CDH12: variants seen among roughly 807,000 people sequenced by gnomAD.
The protein encoded by CDH12 is cadherin 12, also known as cadherin-12.
In CDH12, 41 loss-of-function variants were observed where a neutral mutation model predicts 74.1. The observed-to-expected ratio is 0.55, with a 90% CI of 0.43 to 0.72. The LOEUF (loss-of-function observed/expected upper bound fraction) is 0.72, where lower values mean the gene tolerates loss of function less well. CDH12 is among the 30% of genes least tolerant of loss of function. CDH12 has a pLI of 0.00. For missense variants in CDH12, 945 were observed against 977.2 expected, an observed-to-expected ratio of 0.97 and a Z score of 0.44; for synonymous variants, 399 against 355.0, an observed-to-expected ratio of 1.12 and a Z score of -1.39.
intron 3 of CDH12, among the ~76,000 whole-genome samples, chr5:22,229,781 C>T (rs770487794): frequency 9.9e-5 from 15 of 151,924 alleles, no homozygotes; most frequent in Admixed American, 2.0e-4. Flanking sequence ...TCCTGCACTC[C>T]GGATACTCTG....
Position 21,880,679 on chromosome 5 carries a change from C to A in CDH12, c.527-25889G>T, listed in dbSNP as rs563074658. ...TCTTTCTTTCTTTCTTTCTTTCTTTCTTTCTTTCTTTCTCTTTTCTCCTTC... is the reference window on the plus strand; with the variant it reads ...TCTTTCTTTCTTTCTTTCTTTCTTTATTTCTTTCTTTCTCTTTTCTCCTTC... On this transcript the variant is annotated intron_variant, in intron 6 of 14. Coordinates refer to ENST00000382254, the MANE Select transcript of CDH12 (RefSeq NM_004061.5). 1.3e-3 allele frequency among the ~76,000 whole-genome samples: 144 copies of A among 110,430 alleles called. 1 individual carries two copies. Among genetic ancestry groups the A allele is most frequent in the African/African-American group, 4.6e-3 (140 of 30,728 alleles). The allele number at this position is 110,430 out of a possible 152,430, so 72.4% of individuals were successfully genotyped here. A position where few individuals can be genotyped will look rare whatever the true frequency, so the allele number is the denominator to read the frequency against.
At chr5:21,833,312 ATGTTATAT>A (rs1275474930) in intron 8 of CDH12, among the ~76,000 whole-genome samples, 380 of 32,512 alleles carry the variant, frequency 0.012, 151 homozygotes, top group African/African-American at 0.092. Context: ...TATATGTTAT[ATGTTATAT>A]AATATATATT....
At chr5:22,747,391 A>G (rs1745344319) in intron 1 of CDH12, among the ~76,000 whole-genome samples, 1 of 151,612 alleles carries the variant, frequency 6.6e-6, no homozygotes, top group Non-Finnish European at 1.5e-5. Context: ...TAGGAGGCCA[A>G]CATGGGCAGA....
chr5:22,454,348 A>C (rs1048691852), intron 2 of CDH12, among the ~76,000 whole-genome samples: 1 of 152,218 alleles, frequency 6.6e-6, no homozygotes, highest in Non-Finnish European at 1.5e-5. Flanking sequence ...GTCACTTAAA[A>C]TCTTGCAATA....
intron 3 of CDH12, among the ~76,000 whole-genome samples, chr5:22,361,451 C>T (rs1391168898): frequency 2.0e-5 from 3 of 152,144 alleles, no homozygotes; most frequent in South Asian, 2.1e-4. Flanking sequence ...AATGGAAGAA[C>T]ATTCCATGCT....
intron 1 of CDH12, among the ~76,000 whole-genome samples, chr5:22,668,287 C>A (rs925790840): frequency 1.3e-5 from 2 of 152,270 alleles, no homozygotes; most frequent in South Asian, 4.1e-4. Flanking sequence ...AGAAGCCCAA[C>A]CCCACCATAC....
At chr5:22,198,771 C>T (rs896600632) in intron 4 of CDH12, among the ~76,000 whole-genome samples, 7 of 152,002 alleles carry the variant, frequency 4.6e-5, no homozygotes, top group African/African-American at 9.7e-5. Flanking sequence ...ATTTTCCTTT[C>T]GGAATGCAAA....
At chr5:22,622,968 C>T (rs1246779107) in intron 1 of CDH12, among the ~76,000 whole-genome samples, 1 of 152,168 alleles carries the variant, frequency 6.6e-6, no homozygotes, top group East Asian at 1.9e-4. Context: ...AAAGCTTATC[C>T]ATCATGATCA....
intron 1 of CDH12, among the ~76,000 whole-genome samples, chr5:22,617,707 T>G (rs1737760372): frequency 6.6e-6 from 1 of 152,116 alleles, no homozygotes; most frequent in Non-Finnish European, 1.5e-5. Context: ...TCTGCTCTTG[T>G]TTTCTTCCAT....
chr5:22,728,730 T>G (rs1744285495), intron 1 of CDH12, among the ~76,000 whole-genome samples: 1 of 151,968 alleles, frequency 6.6e-6, no homozygotes, highest in East Asian at 1.9e-4. Flanking sequence ...CATATGGCTG[T>G]CTTCTTGCTG....
chr5:22,165,067 C>T (rs1306415064), intron 4 of CDH12, among the ~76,000 whole-genome samples: 1 of 150,822 alleles, frequency 6.6e-6, no homozygotes, highest in Non-Finnish European at 1.5e-5. Flanking sequence ...ATAACAATGT[C>T]TCTGCTTTCA....
intron 1 of CDH12, among the ~76,000 whole-genome samples, chr5:22,767,052 C>T (rs7716493): frequency 0.48 from 72,375 of 151,622 alleles, 17,391 homozygotes; most frequent in East Asian, 0.55. Context: ...CACTTATATA[C>T]TTTTACACTC....
At chr5:22,841,136 C>T (rs1737063647) in intron 1 of CDH12, among the ~76,000 whole-genome samples, 1 of 152,272 alleles carries the variant, frequency 6.6e-6, no homozygotes, top group Non-Finnish European at 1.5e-5. Flanking sequence ...TGAGGCTAAT[C>T]TTTGGAGAAC....
intron 1 of CDH12, among the ~76,000 whole-genome samples, chr5:22,667,547 G>A (rs967723663): frequency 1.3e-5 from 2 of 152,166 alleles, no homozygotes; most frequent in African/African-American, 4.8e-5. Context: ...TGACACTGGA[G>A]GCTGTGTGTG....
intron 1 of CDH12, among the ~76,000 whole-genome samples, chr5:22,507,174 C>T (rs1327813525): frequency 1.3e-5 from 2 of 152,058 alleles, no homozygotes; most frequent in South Asian, 4.1e-4. Context: ...ATGGTTTTTT[C>T]ACCAAATGCC....
At chr5:21,814,572 G>GT (rs948793799) in intron 9 of CDH12, among the ~76,000 whole-genome samples, 18 of 151,098 alleles carry the variant, frequency 1.2e-4, no homozygotes, top group Non-Finnish European at 2.1e-4. Context: ...GGTATAGGTG[G>GT]TAAATATGTG....
intron 6 of CDH12, among the ~76,000 whole-genome samples, chr5:21,957,591 T>G (rs552307702): frequency 1.3e-5 from 2 of 152,318 alleles, no homozygotes; most frequent in Non-Finnish European, 2.9e-5. Flanking sequence ...TTTTTGACAT[T>G]TTAATAGTAG....
intron 1 of CDH12, among the ~76,000 whole-genome samples, chr5:22,744,003 T>C (rs12651818): frequency 0.29 from 43,501 of 152,024 alleles, 6,568 homozygotes; most frequent in South Asian, 0.35. Context: ...TCAAAGAGTA[T>C]ACATATTTTT....
chr5:22,075,991 T>C (rs762977132), intron 5 of CDH12, among the ~76,000 whole-genome samples: 6 of 152,138 alleles, frequency 3.9e-5, no homozygotes, highest in Non-Finnish European at 5.9e-5. Flanking sequence ...CATGTTATCA[T>C]ATTTCTATTC....
Sources: allele counts gnomAD v4.1 joint callset (sites outside exome capture counted in the v4.1 genomes callset), GRCh38; gene constraint gnomAD v4.1.1; transcripts MANE v1.5; gene names NCBI Gene and HGNC (gene_info 2026-07-23, HGNC 2026-07-21).